Variants in TRPS1 observed in about 807,000 individuals in gnomAD.
TRPS1 encodes transcriptional repressor GATA binding 1.
TRPS1 carries 6 observed loss-of-function variants against 101.2 expected under a neutral mutation model. The ratio of observed to expected loss-of-function variants is 0.06; its 90% CI spans 0.03 to 0.12. TRPS1 has a LOEUF of 0.12. TRPS1 is among the 10% of genes least tolerant of loss of function. The pLI is 1.00. For synonymous variants in TRPS1, 578 were observed against 589.8 expected (o/e 0.98, Z 0.29); for missense variants, 1,363 against 1,567.0 (o/e 0.87, Z 2.20).
chr8:115,489,673 AT>A (rs1439924119), intron 5 of TRPS1, among the ~76,000 whole-genome samples: 8 of 152,240 alleles, frequency 5.3e-5, no homozygotes, highest in African/African-American at 1.4e-4. Context: ...CACACATGAC[AT>A]TTTGTAGAGC....
At chr8:115,489,406 C>A (rs75239851) in intron 5 of TRPS1, among the ~76,000 whole-genome samples, 1,995 of 152,156 alleles carry the variant, frequency 0.013, 42 homozygotes, top group African/African-American at 0.046. Context: ...CAGAAAAAAA[C>A]CACAGAATTT....
At chr8:115,417,266 G>T (rs1337821195) in intron 6 of TRPS1, among the ~76,000 whole-genome samples, 1 of 152,096 alleles carries the variant, frequency 6.6e-6, no homozygotes, top group Non-Finnish European at 1.5e-5. Context: ...GTGGTGGGGG[G>T]TGGAATCTTT....
intron 6 of TRPS1, among the ~76,000 whole-genome samples, chr8:115,416,733 C>T (rs1368948441): frequency 2.0e-4 from 30 of 151,856 alleles, no homozygotes; most frequent in Admixed American, 2.0e-3. Context: ...AACATACTTC[C>T]AAGTGAAGAA....
At chr8:115,475,627 T>C (rs1814585514) in intron 5 of TRPS1, among the ~76,000 whole-genome samples, 1 of 148,738 alleles carries the variant, frequency 6.7e-6, no homozygotes, top group Non-Finnish European at 1.5e-5. Context: ...AGAATAATTA[T>C]ACTAAATAGT....
intron 1 of TRPS1, among the ~76,000 whole-genome samples, chr8:115,642,135 G>A (rs570567491): frequency 1.9e-4 from 29 of 151,528 alleles, no homozygotes; most frequent in African/African-American, 5.1e-4. Flanking sequence ...GAGCCCTTGC[G>A]CCCAAGAGTT....
At chr8:115,564,956 C>T (rs1586408245) in intron 5 of TRPS1, among the ~76,000 whole-genome samples, 4 of 152,180 alleles carry the variant, frequency 2.6e-5, no homozygotes, top group East Asian at 3.9e-4. Flanking sequence ...AAGCCAAACA[C>T]GTTTTTCTTC....
At chr8:115,668,031 G>T (rs984978663) in intron 1 of TRPS1, 3 of 847,382 alleles carry the variant, frequency 3.5e-6, no homozygotes, top group African/African-American at 3.4e-5. Flanking sequence ...AAGAGACAGC[G>T]AGGGGGAGTG....
At chr8:115,582,032 G>T (rs984048979) in intron 5 of TRPS1, among the ~76,000 whole-genome samples, 5 of 152,072 alleles carry the variant, frequency 3.3e-5, no homozygotes, top group Non-Finnish European at 7.4e-5. Context: ...TAAAGTCATG[G>T]CTTCATAACC....
intron 1 of TRPS1, among the ~76,000 whole-genome samples, chr8:115,640,646 T>C (rs888666681): frequency 6.6e-6 from 1 of 152,202 alleles, no homozygotes; most frequent in Non-Finnish European, 1.5e-5. Flanking sequence ...ACACCTACAG[T>C]ACCAATGCCT....
chr8:115,564,623 A>G (rs1436579955), intron 5 of TRPS1, among the ~76,000 whole-genome samples: 2 of 152,064 alleles, frequency 1.3e-5, no homozygotes, highest in Non-Finnish European at 2.9e-5. Context: ...CATAGTGCCC[A>G]TTACACATAC....
intron 4 of TRPS1, among the ~76,000 whole-genome samples, chr8:115,602,936 T>C (rs1817941812): frequency 6.6e-6 from 1 of 152,216 alleles, no homozygotes; most frequent in African/African-American, 2.4e-5. Flanking sequence ...TATTAGGTTA[T>C]GTTATCATTA....
At chr8:115,479,603 T>C (rs1814700536) in intron 5 of TRPS1, among the ~76,000 whole-genome samples, 2 of 152,148 alleles carry the variant, frequency 1.3e-5, no homozygotes, top group African/African-American at 4.8e-5. Flanking sequence ...GGGTATTTTA[T>C]AAAATTTTGT....
intron 3 of TRPS1, among the ~76,000 whole-genome samples, chr8:115,617,424 T>C (rs1367602959): frequency 4.6e-5 from 7 of 152,170 alleles, no homozygotes; most frequent in African/African-American, 9.7e-5. Context: ...AACTTTACTA[T>C]AAATAACTAA....
At chr8:115,517,657 T>A (rs1815750097) in intron 5 of TRPS1, among the ~76,000 whole-genome samples, 1 of 151,800 alleles carries the variant, frequency 6.6e-6, no homozygotes, top group Admixed American at 6.6e-5. Flanking sequence ...TCTTTCTGCA[T>A]CAAAGAAAAT....
At chr8:115,417,871 C>T (rs758323516) in intron 6 of TRPS1, among the ~76,000 whole-genome samples, 1 of 152,098 alleles carries the variant, frequency 6.6e-6, no homozygotes, top group Non-Finnish European at 1.5e-5. Context: ...GCCCCTAAAG[C>T]GGTCAAGATA....
intron 4 of TRPS1, among the ~76,000 whole-genome samples, chr8:115,598,506 A>G (rs1185365307): frequency 6.6e-6 from 1 of 151,862 alleles, no homozygotes; most frequent in Non-Finnish European, 1.5e-5. Context: ...TAGAGACGAG[A>G]TCTTGGTATG....
intron 1 of TRPS1, among the ~76,000 whole-genome samples, chr8:115,662,176 C>G (rs1811815448): frequency 6.6e-6 from 1 of 151,920 alleles, no homozygotes; most frequent in Admixed American, 6.6e-5. Context: ...AGAAACATAT[C>G]AAGTAAATCA....
Position 115,587,087 on chromosome 8 carries a change from C to T in TRPS1, c.2614G>A (p.Gly872Ser), listed in dbSNP as rs776825331. Residue 872 changes from glycine (G) to serine (S), a missense_variant, in exon 5 of 7, where the codon GGC becomes AGC. This residue lies in a region of TRPS1 where 1,020 missense variants were observed against 1,073.0 expected (regional missense o/e 0.95). Coordinates refer to ENST00000395715, the MANE Select transcript of TRPS1 (RefSeq NM_014112.5). ...TKGFLQGAPA[G>S]GEKSGALPQQ... ...GGGAGGGCCCCAGACTTCTCTCCGC[C>T]AGCTGGCGCCCCCTGCAGGAATCCC... 8.7e-6 allele frequency: 14 copies of T among 1,614,040 alleles called. No homozygotes were observed. In the Admixed American group the frequency reaches 2.3e-4, roughly 27 times the overall value.
chr8:115,515,382 C>T, intron 5 of TRPS1: 2 of 616,638 alleles, frequency 3.2e-6, no homozygotes, highest in East Asian at 2.8e-5. Context: ...CAAACCTGTG[C>T]ATTTTGCCAT....
Sources: gnomAD v4.1 joint callset for allele counts (sites outside exome capture counted in the v4.1 genomes callset) on GRCh38, gnomAD v4.1.1 for gene constraint, gnomAD v4.1.1 regional missense constraint, MANE v1.5 for transcripts, NCBI Gene and HGNC (gene_info 2026-07-23, HGNC 2026-07-21) for gene names.